MAD1L1: variants seen among roughly 807,000 people sequenced by gnomAD.
MAD1L1 encodes the protein mitotic arrest deficient 1 like 1.
A neutral mutation model predicts 96.9 loss-of-function variants in MAD1L1; 95 were observed. That is an observed-to-expected ratio of 0.98 (90% CI 0.83 to 1.16). The LOEUF (loss-of-function observed/expected upper bound fraction) is 1.16. Ranked by LOEUF, MAD1L1 falls within the 50% of genes most tolerant of loss-of-function variation. The pLI, the probability that MAD1L1 is intolerant of heterozygous loss-of-function variation, is 0.00. For synonymous variants in MAD1L1, 473 were observed against 396.6 expected (o/e 1.19, Z -2.29); for missense variants, 1,007 against 954.4 (o/e 1.06, Z -0.73).
At position 2,088,528 on chromosome 7, in the gene MAD1L1, C is replaced by T. The variant is rs1287303919; in HGVS notation, c.1074-19190G>A. Among the ~76,000 whole-genome samples, 1 of 152,224 alleles carries T rather than the reference C, an allele frequency of 6.6e-6. No individual in the cohort carries two copies. The highest frequency in any genetic ancestry group is 1.9e-4 in the East Asian group (1 of 5,196). On this transcript the variant is annotated intron_variant, in intron 11 of 18. Coordinates refer to ENST00000265854, the MANE Select transcript of MAD1L1 (RefSeq NM_001013836.2). This position sits in a 1 kb window ranked among gnomAD's most constrained non-coding sequence, Gnocchi z 4.4. ...GAGTGCCACCATGACAGCTCTGGAG[C>T]TGCCACTGCACGTGCACATCCATCT... is the stretch of plus-strand genomic sequence containing the variant.
chr7:2,078,957 G>A (rs921153711), intron 11 of MAD1L1, among the ~76,000 whole-genome samples: 3 of 152,226 alleles, frequency 2.0e-5, no homozygotes, highest in Non-Finnish European at 4.4e-5. Context: ...GGGCTGGGGG[G>A]AGATGCCCCA....
intron 11 of MAD1L1, among the ~76,000 whole-genome samples, chr7:2,082,601 G>A (rs1785709329): frequency 6.6e-6 from 1 of 152,222 alleles, no homozygotes; most frequent in African/African-American, 2.4e-5. Context: ...GGACCAGGCT[G>A]AGGAGATTGA....
intron 11 of MAD1L1, among the ~76,000 whole-genome samples, chr7:2,128,795 A>G (rs1584390117): frequency 6.6e-6 from 1 of 151,912 alleles, no homozygotes; most frequent in Non-Finnish European, 1.5e-5. Context: ...TCATTCGGCC[A>G]CCCTCAAGCC....
chr7:1,957,404 G>C (rs1001786270), intron 16 of MAD1L1, among the ~76,000 whole-genome samples: 1 of 152,230 alleles, frequency 6.6e-6, no homozygotes, highest in East Asian at 1.9e-4. Context: ...GACACCAGGC[G>C]TGTGGGTGGT....
chr7:2,091,387 G>C (rs956270554), intron 11 of MAD1L1, among the ~76,000 whole-genome samples: 1 of 152,358 alleles, frequency 6.6e-6, no homozygotes, highest in East Asian at 1.9e-4. Context: ...TCTGCCTGCA[G>C]TTCCTTCTGA....
rs950282652 is a variant in MAD1L1, at chr7:2,216,388, C to T, written c.679-101G>A. The T allele has an allele frequency of 6.7e-6, 8 of 1,197,412 alleles. No homozygotes were observed. The Admixed American group carries it at 7.2e-5, about 11-fold the overall frequency. The allele number at this position is 1,197,412 out of a possible 1,614,324, so 74.2% of individuals were successfully genotyped here. A position where few individuals can be genotyped will look rare whatever the true frequency, so the allele number is the denominator to read the frequency against. On this transcript the variant is annotated intron_variant, in intron 7 of 18. Coordinates refer to ENST00000265854, the MANE Select transcript of MAD1L1 (RefSeq NM_001013836.2). ...CTAAGAGAAGGAAGCCGGTCTGCAA[C>T]GGCTATACACACTGCAGGATCCAAC...
chr7:2,102,324 G>GTCACCA (rs974913472), intron 11 of MAD1L1, among the ~76,000 whole-genome samples: 1 of 114,396 alleles, frequency 8.7e-6, no homozygotes, highest in Non-Finnish European at 1.9e-5. Flanking sequence ...CATCACCGCC[G>GTCACCA]TCACCATCAC....
chr7:1,956,475 T>G (rs974032295), intron 16 of MAD1L1, among the ~76,000 whole-genome samples: 1 of 152,110 alleles, frequency 6.6e-6, no homozygotes, highest in Non-Finnish European at 1.5e-5. Context: ...AACATCTGCT[T>G]CCCCAGGACC....
At chr7:1,892,488 T>G (rs1386837751) in intron 18 of MAD1L1, among the ~76,000 whole-genome samples, 1 of 152,224 alleles carries the variant, frequency 6.6e-6, no homozygotes, top group Non-Finnish European at 1.5e-5. Flanking sequence ...ACGTGCTTAC[T>G]GGTTGAGTAA....
intron 11 of MAD1L1, among the ~76,000 whole-genome samples, chr7:2,145,328 A>G (rs1290560202): frequency 6.6e-6 from 1 of 152,230 alleles, no homozygotes; most frequent in African/African-American, 2.4e-5. Context: ...AACCCTGGAA[A>G]GCAGTAAGTC....
intron 18 of MAD1L1, chr7:1,846,410 C>T (rs1783625901): frequency 6.5e-6 from 1 of 152,776 alleles, no homozygotes; most frequent in Admixed American, 6.5e-5. Flanking sequence ...TAAACACCAG[C>T]AGGATGGATG....
At chr7:1,862,192 G>A (rs1784566907) in intron 18 of MAD1L1, among the ~76,000 whole-genome samples, 1 of 152,220 alleles carries the variant, frequency 6.6e-6, no homozygotes, top group Non-Finnish European at 1.5e-5. Flanking sequence ...GACTTCGGGA[G>A]CCAGGTTACT....
intron 18 of MAD1L1, among the ~76,000 whole-genome samples, chr7:1,883,210 A>C (rs919813403): frequency 6.6e-6 from 1 of 152,148 alleles, no homozygotes; most frequent in African/African-American, 2.4e-5. Flanking sequence ...GTTCCTTAAC[A>C]ACAAACCTTG....
intron 18 of MAD1L1, among the ~76,000 whole-genome samples, chr7:1,856,625 G>A (rs1377418048): frequency 2.0e-5 from 3 of 152,194 alleles, no homozygotes; most frequent in African/African-American, 7.2e-5. Flanking sequence ...ATAAAGAAAA[G>A]TTCAGGAGGA....
chr7:2,096,069 C>A (rs1395952730), intron 11 of MAD1L1, among the ~76,000 whole-genome samples: 1 of 152,238 alleles, frequency 6.6e-6, no homozygotes, highest in Non-Finnish European at 1.5e-5. Context: ...TCGCAGCCCA[C>A]AAACAGGAGA....
At chr7:1,936,154 C>A (rs1196349241) in intron 17 of MAD1L1, among the ~76,000 whole-genome samples, 1 of 152,224 alleles carries the variant, frequency 6.6e-6, no homozygotes, top group Non-Finnish European at 1.5e-5. Context: ...GTGGGCAGAC[C>A]CCAGCACCAC....
At chr7:2,000,510 T>C (rs901878864) in intron 14 of MAD1L1, among the ~76,000 whole-genome samples, 1 of 152,134 alleles carries the variant, frequency 6.6e-6, no homozygotes, top group Non-Finnish European at 1.5e-5. Context: ...ACCTCACTGT[T>C]GGGTCCGGGA....
intron 16 of MAD1L1, among the ~76,000 whole-genome samples, chr7:1,941,162 A>C (rs1035811542): frequency 6.6e-6 from 1 of 152,208 alleles, no homozygotes; most frequent in African/African-American, 2.4e-5. Context: ...GTCGGGGGTC[A>C]GCGGTGGTGC....
At chr7:1,995,109 T>A (rs1399489771) in intron 14 of MAD1L1, among the ~76,000 whole-genome samples, 2 of 152,234 alleles carry the variant, frequency 1.3e-5, no homozygotes, top group African/African-American at 2.4e-5. Flanking sequence ...AAATGCTTGC[T>A]GAATTAGACA....
Sources: allele counts gnomAD v4.1 joint callset (sites outside exome capture counted in the v4.1 genomes callset), GRCh38; gene constraint gnomAD v4.1.1; non-coding constraint Gnocchi (gnomAD v3.1); transcripts MANE v1.5; gene names NCBI Gene and HGNC (gene_info 2026-07-23, HGNC 2026-07-21).